RBFOX1: variants seen among roughly 807,000 people sequenced by gnomAD.
The protein encoded by RBFOX1 is RNA binding fox-1 homolog 1.
RBFOX1 carries 8 observed loss-of-function variants against 57.7 expected under a neutral mutation model. The ratio of observed to expected loss-of-function variants is 0.14; its 90% CI spans 0.08 to 0.25. The LOEUF (loss-of-function observed/expected upper bound fraction) is 0.25. RBFOX1 is among the 10% of genes least tolerant of loss of function. The pLI is 1.00. For synonymous variants in RBFOX1, 326 were observed against 222.4 expected (o/e 1.47, Z -4.15); for missense variants, 611 against 548.5 (o/e 1.11, Z -1.14).
At chr16:7,517,070 TCTGA>T (rs1288238042) in intron 4 of RBFOX1, among the ~76,000 whole-genome samples, 1 of 152,062 alleles carries the variant, frequency 6.6e-6, no homozygotes, top group South Asian at 2.1e-4. Context: ...GCTCTGTCTT[TCTGA>T]CTGTGTGATC....
chr16:5,824,601 A>T (rs1169069649), intron 3 of RBFOX1, among the ~76,000 whole-genome samples: 1 of 152,186 alleles, frequency 6.6e-6, no homozygotes, highest in Non-Finnish European at 1.5e-5. Context: ...GGAAAATTGG[A>T]TGTTGTTGAA....
At chr16:6,966,434 C>T (rs141743964) in intron 3 of RBFOX1, among the ~76,000 whole-genome samples, 1 of 152,086 alleles carries the variant, frequency 6.6e-6, no homozygotes, top group African/African-American at 2.4e-5. Flanking sequence ...CCAGAGGTCC[C>T]TGGGCGAGGT....
intron 3 of RBFOX1, among the ~76,000 whole-genome samples, chr16:6,768,126 G>A (rs1394352792): frequency 1.3e-5 from 2 of 151,942 alleles, no homozygotes; most frequent in East Asian, 3.9e-4. Context: ...TGGCCCCCGA[G>A]GCAGAGGTTG....
chr16:5,829,968 C>T (rs1660798873), intron 3 of RBFOX1, among the ~76,000 whole-genome samples: 1 of 152,154 alleles, frequency 6.6e-6, no homozygotes, highest in African/African-American at 2.4e-5. Context: ...GGATCTGAGG[C>T]TGTTTTCTTT....
chr16:5,876,432 A>G (rs556273122), intron 4 of RBFOX1, among the ~76,000 whole-genome samples: 1 of 152,248 alleles, frequency 6.6e-6, no homozygotes, highest in Non-Finnish European at 1.5e-5. Context: ...AGGCTATCAG[A>G]CCCCCAAACC....
At chr16:6,160,712 G>A (rs1005117964) in intron 1 of RBFOX1, among the ~76,000 whole-genome samples, 8 of 152,114 alleles carry the variant, frequency 5.3e-5, no homozygotes, top group African/African-American at 1.9e-4. Flanking sequence ...CTGGTACCTG[G>A]CACCACTCCC....
chr16:5,611,734 C>CCATCCATCCATCCATCCATG (rs1212374231), intron 3 of RBFOX1, among the ~76,000 whole-genome samples: 12 of 144,698 alleles, frequency 8.3e-5, no homozygotes, highest in African/African-American at 3.1e-4. Flanking sequence ...ATCCATCCAT[C>CCATCCATCCATCCATCCATG]CATCCATCCA....
intron 5 of RBFOX1, among the ~76,000 whole-genome samples, chr16:7,530,796 A>G (rs534969255): frequency 6.6e-6 from 1 of 152,342 alleles, no homozygotes; most frequent in Non-Finnish European, 1.5e-5. Flanking sequence ...TGGTAGAAAC[A>G]TAACCAGACT....
intron 1 of RBFOX1, among the ~76,000 whole-genome samples, chr16:5,371,256 G>T (rs1256769871): frequency 6.6e-6 from 1 of 152,138 alleles, no homozygotes; most frequent in Non-Finnish European, 1.5e-5. Flanking sequence ...GCCAGAATGT[G>T]GTTTCAAAGA....
intron 3 of RBFOX1, among the ~76,000 whole-genome samples, chr16:6,792,278 A>C (rs769260540): frequency 1.8e-4 from 27 of 152,246 alleles, no homozygotes; most frequent in Non-Finnish European, 3.2e-4. Context: ...TGAAGATTAC[A>C]TAAATACATC....
At chr16:7,201,909 A>G (rs527284874) in intron 4 of RBFOX1, among the ~76,000 whole-genome samples, 2 of 152,260 alleles carry the variant, frequency 1.3e-5, no homozygotes, top group Admixed American at 6.5e-5. Context: ...GGCAGAGGAG[A>G]TGTACGAGGG....
In RBFOX1 at chr16:7,504,735, A is replaced by ATTTT. The variant is rs1271969284; in HGVS notation, c.28-13411_28-13410insTTTT. ...TATATATATATATATATATATATAT[A>ATTTT]TATATATATATATATATATTTATAT... On this transcript the variant is annotated intron_variant, in intron 4 of 15. Coordinates refer to ENST00000550418, the MANE Select transcript of RBFOX1 (RefSeq NM_018723.4). Among the ~76,000 whole-genome samples the ATTTT allele has an allele frequency of 3.8e-4, 5 of 13,140 alleles. 1 individual carries two copies. Among genetic ancestry groups the ATTTT allele is most frequent in the Admixed American group, 1.2e-3 (1 of 820 alleles). The allele number at this position is 13,140 out of a possible 152,430, so 8.6% of individuals were successfully genotyped here.
intron 4 of RBFOX1, among the ~76,000 whole-genome samples, chr16:7,452,877 C>A (rs1223398006): frequency 6.6e-6 from 1 of 151,950 alleles, no homozygotes; most frequent in Non-Finnish European, 1.5e-5. Context: ...GCCCAGAATC[C>A]CAGCATTTTG....
intron 4 of RBFOX1, among the ~76,000 whole-genome samples, chr16:7,281,557 C>G (rs1279196368): frequency 6.6e-6 from 1 of 152,072 alleles, no homozygotes; most frequent in Non-Finnish European, 1.5e-5. Flanking sequence ...AACTACTATT[C>G]TTATTAGCAT....
chr16:6,624,441 G>T (rs1170937139), intron 2 of RBFOX1, among the ~76,000 whole-genome samples: 1 of 152,156 alleles, frequency 6.6e-6, no homozygotes, highest in African/African-American at 2.4e-5. Context: ...AATGAGTGGG[G>T]ATGGTGAATC....
intron 3 of RBFOX1, among the ~76,000 whole-genome samples, chr16:6,844,069 C>T (rs1172465806): frequency 6.6e-6 from 1 of 152,086 alleles, no homozygotes; most frequent in East Asian, 1.9e-4. Flanking sequence ...GTCTCTCTCT[C>T]CCCACCCCCA....
At chr16:7,051,495 C>G (rs144513172) in intron 3 of RBFOX1, among the ~76,000 whole-genome samples, 16 of 152,326 alleles carry the variant, frequency 1.1e-4, no homozygotes, top group African/African-American at 2.6e-4. Flanking sequence ...ATCAGGATCT[C>G]TTTCTGTGAT....
At chr16:5,952,190 T>A (rs951327108) in intron 4 of RBFOX1, among the ~76,000 whole-genome samples, 36 of 151,616 alleles carry the variant, frequency 2.4e-4, no homozygotes, top group African/African-American at 8.5e-4. Context: ...TCACTCTGTT[T>A]CCCTGGCTGG....
chr16:5,761,052 TTCTG>T (rs2053574130), intron 3 of RBFOX1, among the ~76,000 whole-genome samples: 1 of 152,154 alleles, frequency 6.6e-6, no homozygotes, highest in Non-Finnish European at 1.5e-5. Flanking sequence ...CAGTAGAAGG[TTCTG>T]GGGCAGGAAG....
Sources: allele counts gnomAD v4.1 joint callset (sites outside exome capture counted in the v4.1 genomes callset), GRCh38; gene constraint gnomAD v4.1.1; transcripts MANE v1.5; gene names NCBI Gene and HGNC (gene_info 2026-07-23, HGNC 2026-07-21).